IL1RAPL2: variants seen among roughly 807,000 people sequenced by gnomAD.
The protein encoded by IL1RAPL2 is X-linked interleukin-1 receptor accessory protein-like 2.
Under a neutral mutation model 44.1 loss-of-function variants are expected in IL1RAPL2, and 3 were observed. The ratio of observed to expected loss-of-function variants is 0.07; its 90% CI spans 0.03 to 0.18. The LOEUF is 0.18. Among genes scored for constraint, IL1RAPL2 ranks in the 10% least tolerant of loss-of-function variants. The pLI is 1.00. For synonymous variants in IL1RAPL2, 181 were observed against 178.8 expected (o/e 1.01, Z -0.10); for missense variants, 391 against 496.4 (o/e 0.79, Z 2.02).
intron 2 of IL1RAPL2, among the ~76,000 whole-genome samples, chrX:104,962,864 A>G (rs1164259137): frequency 8.9e-6 from 1 of 112,066 alleles, no homozygotes; most frequent in Non-Finnish European, 1.9e-5. Flanking sequence ...AATGAGGCTG[A>G]TGCTATATGC....
chrX:104,896,988 C>G (rs1432995988), intron 2 of IL1RAPL2, among the ~76,000 whole-genome samples: 1 of 111,626 alleles, frequency 9.0e-6, no homozygotes, highest in African/African-American at 3.3e-5. Flanking sequence ...AAGGAAGAAA[C>G]TGGACACATC....
At chrX:105,703,535 A>G (rs889076153) in intron 6 of IL1RAPL2, among the ~76,000 whole-genome samples, 3 of 111,519 alleles carry the variant, frequency 2.7e-5, no homozygotes, top group African/African-American at 9.8e-5. Flanking sequence ...AAAAGCATTA[A>G]ACTTAGAGGC....
intron 3 of IL1RAPL2, among the ~76,000 whole-genome samples, chrX:105,207,253 A>G (rs1438615383): frequency 1.8e-5 from 2 of 111,638 alleles, no homozygotes; most frequent in Non-Finnish European, 3.8e-5. Flanking sequence ...AAAGTGAATG[A>G]TAGGGCTCCT....
At chrX:105,458,409 TAAAAG>T (rs1232037800) in intron 5 of IL1RAPL2, among the ~76,000 whole-genome samples, 1 of 111,871 alleles carries the variant, frequency 8.9e-6, no homozygotes, top group African/African-American at 3.2e-5. Flanking sequence ...TATTCAGTAA[TAAAAG>T]AAGAATGAAG....
intron 1 of IL1RAPL2, among the ~76,000 whole-genome samples, chrX:104,567,305 G>C (rs1310343940): frequency 8.9e-6 from 1 of 112,818 alleles, no homozygotes; most frequent in Non-Finnish European, 1.9e-5. Flanking sequence ...AGGTGCCCGC[G>C]AGCCCAAGCG....
chrX:104,930,194 C>G (rs1311714652), intron 2 of IL1RAPL2, among the ~76,000 whole-genome samples: 1 of 112,250 alleles, frequency 8.9e-6, no homozygotes, highest in Admixed American at 9.5e-5. Context: ...TGACCATTTG[C>G]TAAGCTCTTG....
At chrX:104,948,224 T>A (rs1247256201) in intron 2 of IL1RAPL2, among the ~76,000 whole-genome samples, 1 of 108,175 alleles carries the variant, frequency 9.2e-6, no homozygotes, top group East Asian at 2.9e-4. Context: ...TGTTTGTCTG[T>A]TATTGGTGTA....
At chrX:105,446,921 A>G (rs1354430442) in intron 5 of IL1RAPL2, among the ~76,000 whole-genome samples, 1 of 102,878 alleles carries the variant, frequency 9.7e-6, no homozygotes, top group African/African-American at 3.5e-5. Context: ...CTTGCTCATC[A>G]ATGTCCTTTT....
At chrX:105,115,840 A>G (rs2032852590) in intron 2 of IL1RAPL2, among the ~76,000 whole-genome samples, 1 of 112,959 alleles carries the variant, frequency 8.9e-6, no homozygotes, top group Non-Finnish European at 1.9e-5. Flanking sequence ...GCAGGAGCCC[A>G]TGGCGGTTGG....
At chrX:104,664,141 A>G (rs933023445) in intron 2 of IL1RAPL2, among the ~76,000 whole-genome samples, 3 of 111,295 alleles carry the variant, frequency 2.7e-5, no homozygotes, top group African/African-American at 9.8e-5. Flanking sequence ...CTGGATGCCC[A>G]GATGTTAACA....
At chrX:105,152,793 T>G (rs911307208) in intron 2 of IL1RAPL2, among the ~76,000 whole-genome samples, 5 of 112,006 alleles carry the variant, frequency 4.5e-5, no homozygotes, top group Admixed American at 3.8e-4. Context: ...AGAATGTGCT[T>G]CTTATAAAAG....
chrX:105,615,720 T>A (rs1455747990), intron 6 of IL1RAPL2, among the ~76,000 whole-genome samples: 1 of 111,994 alleles, frequency 8.9e-6, no homozygotes, highest in African/African-American at 3.2e-5. Context: ...GGCTAATGGA[T>A]ACAAAAATAG....
intron 2 of IL1RAPL2, among the ~76,000 whole-genome samples, chrX:104,731,188 A>C (rs1296705428): frequency 9.1e-6 from 1 of 109,633 alleles, no homozygotes; most frequent in East Asian, 2.9e-4. Context: ...CTCTGATGGT[A>C]GTTTCTTTTG....
At chrX:105,526,912 C>T (rs192488447) in intron 6 of IL1RAPL2, among the ~76,000 whole-genome samples, 2 of 111,692 alleles carry the variant, frequency 1.8e-5, no homozygotes, top group Admixed American at 1.9e-4. Context: ...ATAATGTTTA[C>T]ATTTTATACT....
chrX:104,689,468 G>C (rs956410164), intron 2 of IL1RAPL2, among the ~76,000 whole-genome samples: 3 of 111,488 alleles, frequency 2.7e-5, no homozygotes, highest in Non-Finnish European at 5.6e-5. Flanking sequence ...TCCAGTGTTA[G>C]TTCTTTGACA....
chrX:105,178,965 A>G (rs1032825846), intron 2 of IL1RAPL2, among the ~76,000 whole-genome samples: 2 of 111,640 alleles, frequency 1.8e-5, no homozygotes, highest in Non-Finnish European at 3.8e-5. Flanking sequence ...TCTATTGATT[A>G]TTACTTCTAC....
At chrX:105,671,367 G>A (rs181354590) in intron 6 of IL1RAPL2, among the ~76,000 whole-genome samples, 1 of 112,244 alleles carries the variant, frequency 8.9e-6, no homozygotes, top group Non-Finnish European at 1.9e-5. Flanking sequence ...TATTCTAGGA[G>A]TTGCTTTTTA....
At chrX:105,157,107 CAA>C (rs1294362653) in intron 2 of IL1RAPL2, among the ~76,000 whole-genome samples, 74 of 34,943 alleles carry the variant, frequency 2.1e-3, no homozygotes, top group African/African-American at 5.1e-3. Context: ...TTCGAGTTAG[CAA>C]AAAAAAAAAA....
chrX:104,811,759 G>A (rs1932983148), intron 2 of IL1RAPL2, among the ~76,000 whole-genome samples: 1 of 110,991 alleles, frequency 9.0e-6, no homozygotes, highest in South Asian at 3.9e-4. Flanking sequence ...TCCCACAATG[G>A]GTATTGGGTA....
Sources: gnomAD v4.1 joint callset for allele counts (sites outside exome capture counted in the v4.1 genomes callset) on GRCh38, gnomAD v4.1.1 for gene constraint, MANE v1.5 for transcripts, NCBI Gene and HGNC (gene_info 2026-07-23, HGNC 2026-07-21) for gene names.